Variants in TAF2 observed in about 807,000 individuals in gnomAD.
TAF2 encodes the protein TATA-box binding protein associated factor 2.
In TAF2, 61 loss-of-function variants were observed where a neutral mutation model predicts 138.5. The observed-to-expected ratio is 0.44, with a 90% CI of 0.36 to 0.54. TAF2 has a LOEUF of 0.54. Among genes scored for constraint, TAF2 ranks in the 20% least tolerant of loss-of-function variants. TAF2 has a pLI of 0.00. For synonymous variants in TAF2, 475 were observed against 469.9 expected, an observed-to-expected ratio of 1.01 and a Z score of -0.14; for missense variants, 1,090 against 1,427.9, an observed-to-expected ratio of 0.76 and a Z score of 3.81.
intron 23 of TAF2, among the ~76,000 whole-genome samples, chr8:119,745,965 G>A (rs759062225): frequency 6.6e-6 from 1 of 152,058 alleles, no homozygotes; most frequent in Non-Finnish European, 1.5e-5. Flanking sequence ...TTTATCATAT[G>A]TTTAGAACTG....
At chr8:119,806,469 CTTTTT>C (rs71571631) in intron 3 of TAF2, 68 bp from the exon 4 acceptor site, 1,521 of 760,178 alleles carry the variant, frequency 2.0e-3, no homozygotes, top group East Asian at 3.1e-3. Context: ...TTCTTTCTTT[CTTTTT>C]TTTTTTTTTT....
chr8:119,821,487 G>A (rs1367270963), intron 2 of TAF2, among the ~76,000 whole-genome samples: 1 of 152,106 alleles, frequency 6.6e-6, no homozygotes, highest in Non-Finnish European at 1.5e-5. Context: ...CACTATAAAC[G>A]AGGGTAGTGG....
At position 119,797,683 on chromosome 8, in the gene TAF2, T is replaced by A. The variant is rs1460410166; in HGVS notation, c.956A>T (p.Tyr319Phe). The part of the protein sequence containing the change: ...IDEAYVEVAA[Y>F]ASMSIFSTNL... ...CAACCTAAAAATGCTCATGGAAGCA[T>A]AAGCAGCCACTTCAACATAAGCCTC... The change falls in exon 7 of 26, where the codon TAT becomes TTT. Residue 319 changes from tyrosine to phenylalanine, a missense_variant. By Grantham distance (22) the Tyr-to-Phe change is conservative (BLOSUM62 3). This residue lies in a region of TAF2 where 504 missense variants were observed against 680.9 expected (regional missense o/e 0.74). Coordinates refer to ENST00000378164, the MANE Select transcript of TAF2 (RefSeq NM_003184.4). 6.2e-7 allele frequency: 1 copy of A among 1,613,418 alleles called. No individual in the cohort carries two copies. The highest frequency in any genetic ancestry group is 8.5e-7 in the Non-Finnish European group (1 of 1,179,678).
At chr8:119,821,013 C>T (rs893093760) in intron 2 of TAF2, among the ~76,000 whole-genome samples, 2 of 109,036 alleles carry the variant, frequency 1.8e-5, no homozygotes, top group Admixed American at 1.0e-4. Context: ...AAGACAACTA[C>T]AAAACAAAAG....
intron 2 of TAF2, among the ~76,000 whole-genome samples, chr8:119,822,218 CTTTTT>C (rs954130582): frequency 6.8e-6 from 1 of 145,986 alleles, no homozygotes; most frequent in African/African-American, 2.5e-5. Flanking sequence ...ATACTCTTGC[CTTTTT>C]TTTTTCTTTT....
intron 6 of TAF2, among the ~76,000 whole-genome samples, chr8:119,799,381 C>T (rs1824074565): frequency 6.6e-6 from 1 of 151,878 alleles, no homozygotes; most frequent in Non-Finnish European, 1.5e-5. Context: ...TGTTCAGTTC[C>T]CACCTATGAG....
chr8:119,792,666 G>C (rs1823523362), intron 10 of TAF2, among the ~76,000 whole-genome samples: 1 of 152,168 alleles, frequency 6.6e-6, no homozygotes, highest in South Asian at 2.1e-4. Context: ...ACAGTCTTAA[G>C]AGGTGGCCTT....
intron 17 of TAF2, among the ~76,000 whole-genome samples, 155 bp from the exon 18 acceptor site, chr8:119,778,284 ACATATCTCAAAG>A (rs1822399192): frequency 6.6e-6 from 1 of 152,156 alleles, no homozygotes; most frequent in South Asian, 2.1e-4. Flanking sequence ...CCCACTGACA[ACATATCTCAAAG>A]CATTCTAACA....
intron 14 of TAF2, among the ~76,000 whole-genome samples, chr8:119,786,104 G>A (rs1418527320): frequency 2.0e-5 from 3 of 152,128 alleles, no homozygotes; most frequent in Non-Finnish European, 2.9e-5. Context: ...TTCTGTTCCT[G>A]AAAGTTCGTA....
intron 18 of TAF2, among the ~76,000 whole-genome samples, chr8:119,767,906 T>C (rs960127053): frequency 6.6e-6 from 1 of 152,186 alleles, no homozygotes; most frequent in Admixed American, 6.5e-5. Context: ...GCAGTTTTTG[T>C]CACCACAGGC....
chr8:119,748,607 C>G (rs1178670097), intron 22 of TAF2, among the ~76,000 whole-genome samples: 1 of 152,088 alleles, frequency 6.6e-6, no homozygotes, highest in Admixed American at 6.6e-5. Flanking sequence ...GAATTTTACA[C>G]TGGAAACCCA....
At chr8:119,770,432 G>C (rs1007068415) in intron 18 of TAF2, among the ~76,000 whole-genome samples, 1 of 151,968 alleles carries the variant, frequency 6.6e-6, no homozygotes, top group African/African-American at 2.4e-5. Flanking sequence ...AGAGATTGGG[G>C]GTCTATTTTT....
Position 119,800,709 on chromosome 8 carries a change from G to A in TAF2, c.792+1085C>T, listed in dbSNP as rs116326110. On this transcript the variant is annotated intron_variant, in intron 6 of 25. Transcript: ENST00000378164. ...ACAAAATATCCTGAATCTTTTCCAC[G>A]AGTGATTTTACAAATCCTGTGAATT... is the stretch of plus-strand genomic sequence containing the variant. Among the ~76,000 whole-genome samples, 1,184 of 152,188 alleles carry A rather than the reference G, an allele frequency of 7.8e-3. 17 individuals carry two copies. Among genetic ancestry groups the A allele is most frequent in the African/African-American group, 0.026 (1,087 of 41,500 alleles).
intron 3 of TAF2, among the ~76,000 whole-genome samples, chr8:119,815,704 T>C (rs1475846199): frequency 6.6e-6 from 1 of 152,168 alleles, no homozygotes; most frequent in East Asian, 1.9e-4. Context: ...CATTTAACTT[T>C]TTCTAAGAAA....
chr8:119,791,198 G>T (rs1823404143), intron 11 of TAF2, 126 bp downstream of exon 11: 2 of 1,090,084 alleles, frequency 1.8e-6, no homozygotes, highest in African/African-American at 3.2e-5. Flanking sequence ...TAAAGCACAG[G>T]TTACTTAGTG....
At chr8:119,806,641 T>C (rs1289312845) in intron 3 of TAF2, among the ~76,000 whole-genome samples, 1 of 151,988 alleles carries the variant, frequency 6.6e-6, no homozygotes, top group Non-Finnish European at 1.5e-5. Context: ...CTAATTTTTA[T>C]ATTTTTAGTA....
At chr8:119,811,770 C>T (rs1315054635) in intron 3 of TAF2, among the ~76,000 whole-genome samples, 1 of 126,676 alleles carries the variant, frequency 7.9e-6, no homozygotes. Flanking sequence ...AGCGCCACTG[C>T]AGTCCAGCTT....
intron 22 of TAF2, among the ~76,000 whole-genome samples, chr8:119,754,231 C>T (rs1820548132): frequency 6.6e-6 from 1 of 151,704 alleles, no homozygotes; most frequent in African/African-American, 2.4e-5. Context: ...AGTTATACAA[C>T]CACTTAACAT....
chr8:119,789,465 A>G (rs1823265383), intron 12 of TAF2, 127 bp downstream of exon 12: 2 of 1,140,640 alleles, frequency 1.8e-6, no homozygotes, highest in Non-Finnish European at 2.6e-6. Context: ...TATTTCTACC[A>G]TTGTTTAGAA....
Sources: allele counts gnomAD v4.1 joint callset (sites outside exome capture counted in the v4.1 genomes callset), GRCh38; gene constraint gnomAD v4.1.1; regional missense constraint gnomAD v4.1.1; transcripts MANE v1.5; gene names NCBI Gene and HGNC (gene_info 2026-07-23, HGNC 2026-07-21).